FOXK1: variants seen among roughly 807,000 people sequenced by gnomAD.
The protein encoded by FOXK1 is forkhead box protein K1.
FOXK1 carries 19 observed loss-of-function variants against 51.9 expected under a neutral mutation model. The ratio of observed to expected loss-of-function variants is 0.37; its 90% CI spans 0.26 to 0.54. The LOEUF (loss-of-function observed/expected upper bound fraction) is 0.54. Ranked by LOEUF, FOXK1 falls within the 20% of genes least tolerant of loss-of-function variation. The probability of loss-of-function intolerance (pLI) is 0.87; values close to 1 mark genes in which losing one functional copy is unlikely to be tolerated. For synonymous variants in FOXK1, 537 were observed against 482.6 expected (o/e 1.11, Z -1.48); for missense variants, 870 against 1,032.7 (o/e 0.84, Z 2.16).
At chr7:4,689,345 T>C (rs532611293) in intron 1 of FOXK1, among the ~76,000 whole-genome samples, 204 of 152,312 alleles carry the variant, frequency 1.3e-3, no homozygotes, top group African/African-American at 4.4e-3. Flanking sequence ...CCATGCTCCA[T>C]CTGCTGAGAG....
intron 1 of FOXK1, among the ~76,000 whole-genome samples, chr7:4,728,662 A>T (rs939659752): frequency 7.2e-6 from 1 of 138,624 alleles, no homozygotes; most frequent in Admixed American, 7.8e-5. Flanking sequence ...AGGCTGTGGC[A>T]GGAGGATCAC....
At chr7:4,685,514 G>C (rs1184467651) in intron 1 of FOXK1, among the ~76,000 whole-genome samples, 1 of 149,338 alleles carries the variant, frequency 6.7e-6, no homozygotes, top group Admixed American at 6.7e-5. Flanking sequence ...GAGCCCCTGC[G>C]CCCGGCCTCA....
intron 1 of FOXK1, among the ~76,000 whole-genome samples, chr7:4,686,104 GT>G (rs1298865710): frequency 6.6e-6 from 1 of 152,198 alleles, no homozygotes; most frequent in Non-Finnish European, 1.5e-5. Context: ...AGGAATTACT[GT>G]GTCTGTTTTC....
In FOXK1 at chr7:4,682,396, G is replaced by A; in HGVS notation, c.88G>A (p.Ala30Thr). 1 of 981,204 alleles carries A rather than the reference G, an allele frequency of 1.0e-6. No individual in the cohort carries two copies. Among genetic ancestry groups the A allele is most frequent in the Non-Finnish European group, 1.2e-6 (1 of 828,584 alleles). 60.8% of individuals were successfully genotyped at this position (981,204 alleles called of 1,614,324 possible). ...CAGCCCAGTGCTGTGCGCCGCAGCCGCCGCCGCCGCCTTCCCCGCGGCCGC... is the reference window on the plus strand; with the variant it reads ...CAGCCCAGTGCTGTGCGCCGCAGCCACCGCCGCCGCCTTCCCCGCGGCCGC... Reference protein sequence around the residue: ...PCSPVLCAAAAAAAFPAAAPP... With the variant: ...PCSPVLCAAATAAAFPAAAPP... The change falls in exon 1 of 9, where the codon GCC becomes ACC. Residue 30 changes from alanine (A) to threonine (T), a missense_variant. Coordinates refer to ENST00000328914, the MANE Select transcript of FOXK1 (RefSeq NM_001037165.2). The surrounding 1 kb of genome is among the most constrained non-coding windows in gnomAD (Gnocchi z 7.6).
At chr7:4,700,936 A>G (rs1780013330) in intron 1 of FOXK1, among the ~76,000 whole-genome samples, 1 of 152,206 alleles carries the variant, frequency 6.6e-6, no homozygotes, top group African/African-American at 2.4e-5. Flanking sequence ...TCAAGGATGT[A>G]TTATTCATCC....
At chr7:4,689,742 A>G (rs1298745015) in intron 1 of FOXK1, among the ~76,000 whole-genome samples, 1 of 152,228 alleles carries the variant, frequency 6.6e-6, no homozygotes, top group Non-Finnish European at 1.5e-5. Flanking sequence ...CTTGAAATTA[A>G]TGGGAAAAGT....
Position 4,756,542 on chromosome 7 carries a change from T to C in FOXK1, c.1051-452T>C, listed in dbSNP as rs1158454596. On this transcript the variant is annotated intron_variant, in intron 4 of 8. Transcript: ENST00000328914. The surrounding 1 kb of genome is among the most constrained non-coding windows in gnomAD (Gnocchi z 4.1). ...AGCTCATGCCTGTAATCCCAGCACT[T>C]TGGGAGGCCGAGGTGGAAGGATTGG... Among the ~76,000 whole-genome samples, 1 of 151,732 alleles carries C rather than the reference T, an allele frequency of 6.6e-6. No homozygotes were observed. Among genetic ancestry groups the C allele is most frequent in the Non-Finnish European group, 1.5e-5 (1 of 67,882 alleles).
At chr7:4,704,635 TTGCCCTGTGTGCTAGGCAAGGCTG>T (rs1481762096) in intron 1 of FOXK1, among the ~76,000 whole-genome samples, 7 of 152,184 alleles carry the variant, frequency 4.6e-5, no homozygotes, top group Admixed American at 4.6e-4. Context: ...GCAGGAGGGA[TTGCCCTGTGTGCTAGGCAAGGCTG>T]ACATCAGTGA....
In FOXK1 at chr7:4,755,400, A is replaced by G. The variant is rs1281404868; in HGVS notation, c.1050+17A>G. 1.2e-6 allele frequency: 2 copies of G among 1,612,852 alleles called. No homozygotes were observed. Among genetic ancestry groups the G allele is most frequent in the South Asian group, 2.2e-5 (2 of 91,068 alleles). On this transcript the variant is annotated intron_variant, in intron 4 of 8. Coordinates refer to ENST00000328914, the MANE Select transcript of FOXK1 (RefSeq NM_001037165.2). This position sits in a 1 kb window ranked among gnomAD's most constrained non-coding sequence, Gnocchi z 6.6. Reference sequence around the variant, plus strand: ...GGCTGGCAGGTGAAGCCGAGTCCCCAGGGCCGGATCGCCTCTGAAGGCCCT... The same window carrying G: ...GGCTGGCAGGTGAAGCCGAGTCCCCGGGGCCGGATCGCCTCTGAAGGCCCT...
In FOXK1 at chr7:4,707,821, A is replaced by G. The variant is rs1041020278; in HGVS notation, c.560+24953A>G. Among the ~76,000 whole-genome samples, 3 of 151,484 alleles carry G rather than the reference A, an allele frequency of 2.0e-5. No individual in the cohort carries two copies. The highest frequency in any genetic ancestry group is 7.3e-5 in the African/African-American group (3 of 41,150). ...TACCTCAGCCCCCCAAGTAGCTGGG[A>G]TGATAGGGCCCGCCACCGTGTCCGG... On this transcript the variant is annotated intron_variant, in intron 1 of 8. Coordinates refer to ENST00000328914, the MANE Select transcript of FOXK1 (RefSeq NM_001037165.2). This position sits in a 1 kb window ranked among gnomAD's most constrained non-coding sequence, Gnocchi z 4.1.
At position 4,709,362 on chromosome 7, in the gene FOXK1, G is replaced by A. The variant is rs1208694764; in HGVS notation, c.560+26494G>A. Among the ~76,000 whole-genome samples the A allele has an allele frequency of 6.6e-6, 1 of 152,174 alleles. No individual in the cohort carries two copies. The highest frequency in any genetic ancestry group is 1.5e-5 in the Non-Finnish European group (1 of 68,042). On this transcript the variant is annotated intron_variant, in intron 1 of 8. Transcript: ENST00000328914. The surrounding 1 kb of genome is among the most constrained non-coding windows in gnomAD (Gnocchi z 5.6). ...CCCAGTGTCACGTTGCTGCGTCCACGAGCCTGGCTTCCGCTTCCATTCTCA... is the reference window on the plus strand; with the variant it reads ...CCCAGTGTCACGTTGCTGCGTCCACAAGCCTGGCTTCCGCTTCCATTCTCA...
chr7:4,757,357 G>C (rs752740913), intron 5 of FOXK1, among the ~76,000 whole-genome samples, 170 bp downstream of exon 5: 12 of 152,186 alleles, frequency 7.9e-5, no homozygotes, highest in Non-Finnish European at 1.6e-4. Flanking sequence ...GGCCGGCGCG[G>C]TGGCTCACGC....
chr7:4,769,267 G>C lies in FOXK1; in HGVS notation c.*6803G>C, dbSNP rs994468800. On this transcript the variant is annotated 3_prime_UTR_variant, in exon 9 of 9. Transcript: ENST00000328914. The surrounding 1 kb of genome is among the most constrained non-coding windows in gnomAD (Gnocchi z 4.1). ...AATACCGGGGCCAGGGAGAAGCCGT[G>C]AATGTATTTATTTGCTTTGGTGAAG... 5 of 152,166 alleles carry C rather than the reference G, an allele frequency of 3.3e-5. No individual in the cohort carries two copies. Among genetic ancestry groups the C allele is most frequent in the African/African-American group, 1.2e-4 (5 of 41,430 alleles). 9.4% of individuals were successfully genotyped at this position (152,166 alleles called of 1,614,324 possible).
At chr7:4,706,398 C>G (rs1780103065) in intron 1 of FOXK1, among the ~76,000 whole-genome samples, 1 of 152,212 alleles carries the variant, frequency 6.6e-6, no homozygotes, top group Non-Finnish European at 1.5e-5. Context: ...CTCCTTCCCT[C>G]CAGCTAAACA....
At chr7:4,741,151 T>C in intron 2 of FOXK1, 128 bp downstream of exon 2, 2 of 640,556 alleles carry the variant, frequency 3.1e-6, no homozygotes, top group Non-Finnish European at 4.9e-6. Context: ...ATACAGAAAG[T>C]GTTGTACGTC....
At position 4,758,158 on chromosome 7, in the gene FOXK1, T is replaced by G. The variant is rs931931012; in HGVS notation, c.1245-893T>G. ...AGAGCCCAATCTTCGAAGGGACAGA[T>G]GAGGGGTATGACCTGGGGAGCCCAC... On this transcript the variant is annotated intron_variant, in intron 5 of 8. Coordinates refer to ENST00000328914, the MANE Select transcript of FOXK1 (RefSeq NM_001037165.2). This position sits in a 1 kb window ranked among gnomAD's most constrained non-coding sequence, Gnocchi z 4.4. 1.3e-5 allele frequency: 2 copies of G among 152,242 alleles called. No homozygotes were observed. The highest frequency in any genetic ancestry group is 1.3e-4 in the Admixed American group (2 of 15,276). 9.4% of individuals were successfully genotyped at this position (152,242 alleles called of 1,614,324 possible).
chr7:4,752,448 A>G (rs1780791575), intron 2 of FOXK1, among the ~76,000 whole-genome samples: 1 of 152,256 alleles, frequency 6.6e-6, no homozygotes, highest in Non-Finnish European at 1.5e-5. Flanking sequence ...CCCGGCAGAC[A>G]TGAATTTTCT....
chr7:4,717,943 C>T (rs1233794235), intron 1 of FOXK1, among the ~76,000 whole-genome samples: 4 of 152,144 alleles, frequency 2.6e-5, no homozygotes, highest in African/African-American at 4.8e-5. Context: ...TGCCTCGTCA[C>T]GTTTTCTTCC....
chr7:4,701,754 A>G (rs1399511828), intron 1 of FOXK1, among the ~76,000 whole-genome samples: 2 of 152,186 alleles, frequency 1.3e-5, no homozygotes, highest in East Asian at 1.9e-4. Context: ...TTAGCCAGGC[A>G]TGGTGGCGGG....
Sources: gnomAD v4.1 joint callset for allele counts (sites outside exome capture counted in the v4.1 genomes callset) on GRCh38, gnomAD v4.1.1 for gene constraint, Gnocchi (gnomAD v3.1) non-coding constraint, MANE v1.5 for transcripts, NCBI Gene and HGNC (gene_info 2026-07-23, HGNC 2026-07-21) for gene names.